The following CADPS2 variants were observed in gnomAD, a reference collection of about 807,000 sequenced individuals.
CADPS2 encodes calcium-dependent secretion activator 2.
In CADPS2, 93 loss-of-function variants were observed where a neutral mutation model predicts 172.5. The observed-to-expected ratio is 0.54, with a 90% CI of 0.46 to 0.64. The LOEUF is 0.64. CADPS2 is among the 30% of genes least tolerant of loss of function. The pLI is 0.00. For synonymous variants in CADPS2, 546 were observed against 555.2 expected, an observed-to-expected ratio of 0.98 and a Z score of 0.23; for missense variants, 1,420 against 1,565.9, an observed-to-expected ratio of 0.91 and a Z score of 1.57.
At chr7:122,523,903 CAG>C (rs2061006754) in intron 8 of CADPS2, among the ~76,000 whole-genome samples, 1 of 152,096 alleles carries the variant, frequency 6.6e-6, no homozygotes, top group African/African-American at 2.4e-5. Flanking sequence ...GGCAAACTTG[CAG>C]AGAGGTCTAT....
At chr7:122,465,057 C>T (rs975325851) in intron 14 of CADPS2, among the ~76,000 whole-genome samples, 1 of 151,806 alleles carries the variant, frequency 6.6e-6, no homozygotes, top group South Asian at 2.1e-4. Context: ...CAATAGAGTT[C>T]AACAAAGCCA....
intron 8 of CADPS2, among the ~76,000 whole-genome samples, chr7:122,526,951 T>G: frequency 6.6e-6 from 1 of 152,176 alleles, no homozygotes; most frequent in Admixed American, 6.5e-5. Flanking sequence ...CATAAACATT[T>G]TTGGAATGAC....
rs1345014921 is a variant in CADPS2 at position 122,886,191 on chromosome 7, G to T, written c.147C>A (p.Gly49=). Residue 49 remains glycine (G), a synonymous_variant, in exon 1 of 30, where the codon GGC becomes GGA. Transcript: ENST00000449022. ...TCACAGATCTGGCCGCGCCGCCGCC[G>T]CCCGCGCGCCCCGGCGCGTCCCGCC... ...EGRRDAPGRA[G]GGGAARSVSP... is the part of the protein sequence containing the mutation. 10 of 1,469,528 alleles carry T rather than the reference G, an allele frequency of 6.8e-6. No individual in the cohort carries two copies. The highest frequency in any genetic ancestry group is 8.9e-6 in the Non-Finnish European group (10 of 1,119,998). 91.0% of individuals were successfully genotyped at this position (1,469,528 alleles called of 1,614,324 possible).
At chr7:122,355,386 C>T (rs1413297505) in intron 27 of CADPS2, among the ~76,000 whole-genome samples, 1 of 152,120 alleles carries the variant, frequency 6.6e-6, no homozygotes, top group Non-Finnish European at 1.5e-5. Flanking sequence ...TTTCAGACAG[C>T]CTGGCCAACA....
rs539824897 is a variant in CADPS2 at position 122,706,787 on chromosome 7, T to C, written c.453+30168A>G. On this transcript the variant is annotated intron_variant, in intron 2 of 29. Coordinates refer to ENST00000449022, the MANE Select transcript of CADPS2 (RefSeq NM_017954.11). ...TAAAATGTATGTGTGTGTGTGTACA[T>C]ACATATATATATACACACACACACA... is the stretch of plus-strand genomic sequence containing the variant. Among the ~76,000 whole-genome samples, 6 of 147,964 alleles carry C rather than the reference T, an allele frequency of 4.1e-5. No individual in the cohort carries two copies. In the East Asian group the frequency reaches 1.2e-3, roughly 29 times the overall value.
At position 122,663,308 on chromosome 7, in the gene CADPS2, G is replaced by A. The variant is rs2080818511; in HGVS notation, c.715C>T (p.Leu239Phe). The stretch of plus-strand genomic sequence containing the variant: ...AGAATCTGCTGAAACATTTCATAGA[G>A]TTGTTCCTTGCTCAGAATAAGTTCA... ...VSELILSKEQLYEMFQQILGI... is the reference protein window; with the variant it reads ...VSELILSKEQFYEMFQQILGI... The change falls in exon 3 of 30, where the codon CTC (leucine) becomes TTC (phenylalanine). Residue 239 changes from leucine (L) to phenylalanine (F), a missense_variant. Physicochemically the swap from Leu to Phe is conservative, Grantham distance 22. Transcript: ENST00000449022. 4 of 1,613,876 alleles carry A rather than the reference G, an allele frequency of 2.5e-6. No individual in the cohort carries two copies. The highest frequency in any genetic ancestry group is 3.4e-6 in the Non-Finnish European group (4 of 1,179,864).
At chr7:122,442,516 T>C (rs767965288) in intron 15 of CADPS2, among the ~76,000 whole-genome samples, 5 of 152,214 alleles carry the variant, frequency 3.3e-5, no homozygotes, top group Non-Finnish European at 5.9e-5. Flanking sequence ...CCATGTCATT[T>C]TGCATAAATC....
At chr7:122,715,946 T>C (rs1426098308) in intron 2 of CADPS2, among the ~76,000 whole-genome samples, 1 of 152,032 alleles carries the variant, frequency 6.6e-6, no homozygotes, top group Non-Finnish European at 1.5e-5. Context: ...CCCATAAGTA[T>C]GCAGCAAATT....
At chr7:122,800,848 G>T (rs770153587) in intron 1 of CADPS2, among the ~76,000 whole-genome samples, 1 of 151,952 alleles carries the variant, frequency 6.6e-6, no homozygotes, top group Admixed American at 6.6e-5. Flanking sequence ...AAAATTAGCC[G>T]GGCGTGGTGG....
At chr7:122,826,369 A>G (rs1804872794) in intron 1 of CADPS2, among the ~76,000 whole-genome samples, 1 of 152,224 alleles carries the variant, frequency 6.6e-6, no homozygotes, top group Non-Finnish European at 1.5e-5. Flanking sequence ...ACAACATCCC[A>G]AGTCTCATAA....
chr7:122,508,762 T>C (rs2059808987), intron 9 of CADPS2, among the ~76,000 whole-genome samples: 1 of 152,150 alleles, frequency 6.6e-6, no homozygotes, highest in Non-Finnish European at 1.5e-5. Context: ...TTTCACATAA[T>C]GATGAATTAA....
rs185039045 is a variant in CADPS2, at chr7:122,571,888, A to G, written c.1335+9291T>C. Among the ~76,000 whole-genome samples the G allele has an allele frequency of 3.3e-5, 5 of 152,286 alleles. No individual in the cohort carries two copies. The East Asian group carries it at 9.7e-4, about 29-fold the overall frequency. ...TAAAAAACTTATGAAGTAACAGATG[A>G]GGAGTAGATTAAAGATGTTTTATTG... On this transcript the variant is annotated intron_variant, in intron 7 of 29. Coordinates refer to ENST00000449022, the MANE Select transcript of CADPS2 (RefSeq NM_017954.11).
At chr7:122,460,855 A>T (rs1402149853) in intron 14 of CADPS2, among the ~76,000 whole-genome samples, 1 of 152,212 alleles carries the variant, frequency 6.6e-6, no homozygotes, top group Non-Finnish European at 1.5e-5. Flanking sequence ...ATAAATCAAT[A>T]AGTGAGTGAA....
At chr7:122,616,044 C>T (rs2074876274) in intron 5 of CADPS2, among the ~76,000 whole-genome samples, 1 of 151,888 alleles carries the variant, frequency 6.6e-6, no homozygotes, top group African/African-American at 2.4e-5. Context: ...TAATGTTTGT[C>T]GAAGAGGCTG....
At chr7:122,478,181 T>C (rs1203849392) in intron 12 of CADPS2, among the ~76,000 whole-genome samples, 2 of 152,214 alleles carry the variant, frequency 1.3e-5, no homozygotes, top group Non-Finnish European at 2.9e-5. Flanking sequence ...CTGGATTATC[T>C]TCAATTAATG....
At chr7:122,436,145 A>C (rs1456094605) in intron 17 of CADPS2, among the ~76,000 whole-genome samples, 1 of 152,146 alleles carries the variant, frequency 6.6e-6, no homozygotes, top group Non-Finnish European at 1.5e-5. Flanking sequence ...TATTAATAAT[A>C]ATAAAGAGGG....
chr7:122,575,943 C>A, intron 7 of CADPS2, among the ~76,000 whole-genome samples: 1 of 152,146 alleles, frequency 6.6e-6, no homozygotes, highest in East Asian at 1.9e-4. Flanking sequence ...TACCATGGTA[C>A]ATTTGTTATA....
intron 8 of CADPS2, among the ~76,000 whole-genome samples, chr7:122,523,846 G>A (rs1246175293): frequency 6.6e-6 from 1 of 152,158 alleles, no homozygotes; most frequent in East Asian, 1.9e-4. Context: ...AAATAAATGG[G>A]AAAAATGTCC....
chr7:122,339,581 G>A (rs12532356), intron 28 of CADPS2, among the ~76,000 whole-genome samples: 29,444 of 152,144 alleles, frequency 0.19, 3,102 homozygotes, highest in African/African-American at 0.26. Flanking sequence ...TTGATGTGAA[G>A]CACTAGCTCA....
Sources: gnomAD v4.1 joint callset for allele counts (sites outside exome capture counted in the v4.1 genomes callset) on GRCh38, gnomAD v4.1.1 for gene constraint, MANE v1.5 for transcripts, NCBI Gene and HGNC (gene_info 2026-07-23, HGNC 2026-07-21) for gene names.